Variants in KIF11 observed in about 807,000 individuals in gnomAD.
KIF11 encodes the protein kinesin-like protein KIF11.
In KIF11, 9 loss-of-function variants were observed where a neutral mutation model predicts 121.0. The observed-to-expected ratio is 0.07, with a 90% CI of 0.04 to 0.13. The LOEUF (loss-of-function observed/expected upper bound fraction) is 0.13, where lower values mean the gene tolerates loss of function less well. Among genes scored for constraint, KIF11 ranks in the 10% least tolerant of loss-of-function variants. KIF11 has a pLI of 1.00. For missense variants in KIF11, 846 were observed against 1,217.5 expected, an observed-to-expected ratio of 0.69 and a Z score of 4.54; for synonymous variants, 408 against 421.0, an observed-to-expected ratio of 0.97 and a Z score of 0.38.
At position 92,649,879 on chromosome 10, in the gene KIF11, G is replaced by A. The variant is rs767983236; in HGVS notation, c.2815G>A (p.Val939Ile). The change falls in exon 20 of 22, where the codon GTA becomes ATA. Residue 939 changes from valine (V) to isoleucine (I), a missense_variant. Physicochemically the swap from Val to Ile is conservative, Grantham distance 29. Transcript: ENST00000260731. ...AAGTTATTTATACCCATCAACACTG[G>A]TAAGAACTGAACCACGTGAACATCT... is the stretch of plus-strand genomic sequence containing the variant. ...RKSYLYPSTL[V>I]RTEPREHLLD... 6 of 1,612,960 alleles carry A rather than the reference G, an allele frequency of 3.7e-6. No individual in the cohort carries two copies. In the South Asian group the frequency reaches 6.6e-5, roughly 18 times the overall value.
rs1296526754 is a variant in KIF11 at position 92,620,302 on chromosome 10, G to A, written c.1129-1083G>A. Among the ~76,000 whole-genome samples, 4 of 152,060 alleles carry A rather than the reference G, an allele frequency of 2.6e-5. No individual in the cohort carries two copies. The South Asian group carries it at 8.3e-4, about 32-fold the overall frequency. On this transcript the variant is annotated intron_variant, in intron 9 of 21. Coordinates refer to ENST00000260731, the MANE Select transcript of KIF11 (RefSeq NM_004523.4). ...TCACCATGTTAGCCAGGATAGTCTT[G>A]ATCTCCTGACCTTGTGATCCGCCCG...
chr10:92,632,964 C>T (rs922657115), intron 13 of KIF11, among the ~76,000 whole-genome samples: 1 of 151,966 alleles, frequency 6.6e-6, no homozygotes, highest in Non-Finnish European at 1.5e-5. Flanking sequence ...CTCTTTTTCC[C>T]TGACTCCGGC....
chr10:92,627,713 C>T (rs1385633425), intron 10 of KIF11, among the ~76,000 whole-genome samples: 1 of 152,044 alleles, frequency 6.6e-6, no homozygotes, highest in Non-Finnish European at 1.5e-5. Flanking sequence ...GGATTATGGA[C>T]CTGTAAGTTC....
intron 8 of KIF11, among the ~76,000 whole-genome samples, chr10:92,614,210 C>T (rs1041927216): frequency 2.6e-5 from 4 of 151,804 alleles, no homozygotes; most frequent in African/African-American, 9.7e-5. Context: ...GATTCTCCTG[C>T]CTCAGCCTCC....
chr10:92,619,241 ACT>A (rs2135908625), intron 9 of KIF11, among the ~76,000 whole-genome samples: 1 of 151,696 alleles, frequency 6.6e-6, no homozygotes, highest in East Asian at 1.9e-4. Flanking sequence ...TGGGTCTCAA[ACT>A]CTTGACCTTG....
intron 16 of KIF11, 57 bp from the exon 17 acceptor site, chr10:92,639,737 A>C (rs1290680822): frequency 2.1e-6 from 2 of 931,342 alleles, no homozygotes; most frequent in African/African-American, 3.3e-5. Flanking sequence ...ATCAGTCATA[A>C]AAAATGTTCA....
chr10:92,651,534 T>TATTTTATTTTTTA (rs1564719348), intron 21 of KIF11, among the ~76,000 whole-genome samples: 1 of 105,594 alleles, frequency 9.5e-6, no homozygotes, highest in African/African-American at 4.7e-5. Flanking sequence ...TTTTTTTTTT[T>TATTTTATTTTTTA]TTTTTTTTTT....
chr10:92,637,333 A>G (rs1381429885), intron 15 of KIF11, 24 bp downstream of exon 15: 1 of 1,583,606 alleles, frequency 6.3e-7, no homozygotes. Flanking sequence ...TGTTCTTAAT[A>G]TCTCAAAATT....
At chr10:92,597,399 G>T (rs1844309541) in intron 1 of KIF11, 1 of 154,956 alleles carries the variant, frequency 6.5e-6, no homozygotes. Flanking sequence ...AAGTATCTGG[G>T]ATTACAGGTG....
At chr10:92,636,907 C>G (rs1844804897) in intron 14 of KIF11, among the ~76,000 whole-genome samples, 1 of 151,250 alleles carries the variant, frequency 6.6e-6, no homozygotes, top group African/African-American at 2.4e-5. Context: ...GTGGCTCACA[C>G]CTATAATCCC....
intron 1 of KIF11, among the ~76,000 whole-genome samples, chr10:92,599,987 A>G (rs1844349814): frequency 1.8e-5 from 2 of 110,892 alleles, no homozygotes; most frequent in South Asian, 5.6e-4. Flanking sequence ...ACTTCTGTTT[A>G]TTATTATTAT....
intron 21 of KIF11, among the ~76,000 whole-genome samples, chr10:92,652,144 G>T (rs1179465572): frequency 6.6e-6 from 1 of 151,002 alleles, no homozygotes; most frequent in Admixed American, 6.6e-5. Flanking sequence ...GTCTTGTTTT[G>T]TTTTTTTGTT....
At chr10:92,632,829 G>A (rs1844753891) in intron 13 of KIF11, 136 bp downstream of exon 13, 2 of 476,716 alleles carry the variant, frequency 4.2e-6, no homozygotes, top group Admixed American at 4.0e-5. Context: ...TCAGGGTGAA[G>A]ATTAATGCTT....
intron 9 of KIF11, 117 bp downstream of exon 9, chr10:92,616,949 T>TG (rs1192664489): frequency 6.9e-5 from 39 of 568,408 alleles, no homozygotes; most frequent in Non-Finnish European, 3.1e-6. Context: ...GAAGGCTTTT[T>TG]ATATAGTGAT....
chr10:92,627,356 C>T (rs983749148), intron 10 of KIF11, among the ~76,000 whole-genome samples: 1 of 152,148 alleles, frequency 6.6e-6, no homozygotes, highest in Non-Finnish European at 1.5e-5. Flanking sequence ...GACCTGTGAG[C>T]TTTGCGCTTG....
intron 18 of KIF11, 44 bp from the exon 19 acceptor site, chr10:92,648,168 C>A: frequency 1.5e-6 from 2 of 1,313,750 alleles, no homozygotes; most frequent in Non-Finnish European, 2.1e-6. Flanking sequence ...AAAACACTGG[C>A]AACTTTAATT....
intron 21 of KIF11, among the ~76,000 whole-genome samples, chr10:92,652,747 G>C (rs1340168599): frequency 6.6e-6 from 1 of 152,180 alleles, no homozygotes; most frequent in Non-Finnish European, 1.5e-5. Flanking sequence ...ATTATTATCT[G>C]TGGCATTTTG....
rs774679730 is a variant in KIF11, at chr10:92,654,785, G to C, written c.*989G>C. 1 of 152,246 alleles carries C rather than the reference G, an allele frequency of 6.6e-6. No individual in the cohort carries two copies. Among genetic ancestry groups the C allele is most frequent in the Non-Finnish European group, 1.5e-5 (1 of 68,006 alleles). 9.4% of individuals were successfully genotyped at this position (152,246 alleles called of 1,614,324 possible). ...TTAAGAGGCCTAACTCATTCACCCT[G>C]ACAGAGTTCACAAAAAGCCCACTTA... On this transcript the variant is annotated 3_prime_UTR_variant, in exon 22 of 22. Coordinates refer to ENST00000260731, the MANE Select transcript of KIF11 (RefSeq NM_004523.4).
intron 6 of KIF11, among the ~76,000 whole-genome samples, chr10:92,610,406 C>A (rs978316457): frequency 1.3e-5 from 2 of 152,016 alleles, no homozygotes; most frequent in Non-Finnish European, 2.9e-5. Flanking sequence ...CCTCTCTTAC[C>A]ACTCTATTCA....
Sources: gnomAD v4.1 joint callset for allele counts (sites outside exome capture counted in the v4.1 genomes callset) on GRCh38, gnomAD v4.1.1 for gene constraint, MANE v1.5 for transcripts, NCBI Gene and HGNC (gene_info 2026-07-23, HGNC 2026-07-21) for gene names.